Variants in MEIS2 observed in about 807,000 individuals in gnomAD.
MEIS2 encodes the protein Meis homeobox 2.
Under a neutral mutation model 58.6 loss-of-function variants are expected in MEIS2, and 9 were observed. The observed-to-expected ratio is 0.15, with a 90% CI of 0.09 to 0.27. The LOEUF (loss-of-function observed/expected upper bound fraction) is 0.27. Among genes scored for constraint, MEIS2 ranks in the 10% least tolerant of loss-of-function variants. The pLI is 1.00. For synonymous variants in MEIS2, 221 were observed against 228.4 expected (o/e 0.97, Z 0.29); for missense variants, 427 against 635.0 (o/e 0.67, Z 3.52).
rs2055807056 is a variant in MEIS2, at chr15:36,890,633, C to T, written c.*1540G>A. 6.6e-6 allele frequency: 1 copy of T among 152,084 alleles called. No individual in the cohort carries two copies. The highest frequency in any genetic ancestry group is 1.5e-5 in the Non-Finnish European group (1 of 67,994). The allele number at this position is 152,084 out of a possible 1,614,324, so 9.4% of individuals were successfully genotyped here. A position where few individuals can be genotyped will look rare whatever the true frequency, so the allele number is the denominator to read the frequency against. On this transcript the variant is annotated 3_prime_UTR_variant, in exon 12 of 12. Coordinates refer to ENST00000561208, the MANE Select transcript of MEIS2 (RefSeq NM_170675.5). ...AAGACAGGCAGAGGAAAAACACAGG[C>T]AGATAAATTACCTTTGAGCACAGAC...
chr15:36,945,137 AC>A (rs2058516303), intron 9 of MEIS2, among the ~76,000 whole-genome samples: 1 of 151,962 alleles, frequency 6.6e-6, no homozygotes, highest in Non-Finnish European at 1.5e-5. Flanking sequence ...CCTGCCTCCT[AC>A]TAATTAGGCT....
chr15:37,067,281 G>GGTTTC (rs1411889355), intron 7 of MEIS2, among the ~76,000 whole-genome samples: 1 of 151,796 alleles, frequency 6.6e-6, no homozygotes, highest in Non-Finnish European at 1.5e-5. Flanking sequence ...GTAGAGACAG[G>GGTTTC]GTTTCACCAC....
At chr15:37,007,662 C>T (rs957806348) in intron 8 of MEIS2, among the ~76,000 whole-genome samples, 1 of 152,232 alleles carries the variant, frequency 6.6e-6, no homozygotes, top group African/African-American at 2.4e-5. Context: ...TTCTAACTAA[C>T]ACAGCTTCCC....
chr15:36,891,476 CT>C lies in MEIS2; in HGVS notation c.*696del, dbSNP rs2055851823. The C allele has an allele frequency of 6.6e-6, 1 of 152,656 alleles. No individual in the cohort carries two copies. Among genetic ancestry groups the C allele is most frequent in the Non-Finnish European group, 1.5e-5 (1 of 68,076 alleles). 9.5% of individuals were successfully genotyped at this position (152,656 alleles called of 1,614,324 possible). On this transcript the variant is annotated 3_prime_UTR_variant, in exon 12 of 12. Transcript: ENST00000561208. ...TGTCCACAACCAAGGCTCAGAACTC[CT>C]GGAAGAAGCTCCTGCTCTGTCTTTA...
intron 7 of MEIS2, among the ~76,000 whole-genome samples, chr15:37,068,246 T>C (rs1366531446): frequency 6.6e-6 from 1 of 152,180 alleles, no homozygotes; most frequent in Non-Finnish European, 1.5e-5. Flanking sequence ...AATCTCTCTA[T>C]AAAGTGTGGA....
intron 7 of MEIS2, among the ~76,000 whole-genome samples, chr15:37,075,514 C>G (rs1891283754): frequency 6.6e-6 from 1 of 152,002 alleles, no homozygotes; most frequent in South Asian, 2.1e-4. Flanking sequence ...CATTTATGTT[C>G]AGGCACACAT....
chr15:36,952,392 T>A (rs1010551139), intron 8 of MEIS2, among the ~76,000 whole-genome samples: 8 of 152,144 alleles, frequency 5.3e-5, no homozygotes, highest in Non-Finnish European at 8.8e-5. Context: ...AGAAATATAT[T>A]TTGCAAATAG....
At chr15:36,944,843 G>A (rs1244299019) in intron 9 of MEIS2, among the ~76,000 whole-genome samples, 2 of 151,902 alleles carry the variant, frequency 1.3e-5, no homozygotes, top group African/African-American at 2.4e-5. Flanking sequence ...GGTTTATCTC[G>A]ACCCCACCTC....
chr15:37,009,233 G>A (rs2061038878), intron 8 of MEIS2, among the ~76,000 whole-genome samples: 1 of 152,068 alleles, frequency 6.6e-6, no homozygotes, highest in Non-Finnish European at 1.5e-5. Context: ...AGCTTGCAGT[G>A]AGCCGAGATC....
rs771445688 is a variant in MEIS2, at chr15:36,955,179, C to T, written c.901-4779G>A. 7.6e-4 allele frequency among the ~76,000 whole-genome samples: 115 copies of T among 152,010 alleles called. 2 individuals are homozygous for T. The highest frequency in any genetic ancestry group is 2.2e-4 in the Non-Finnish European group (15 of 67,996). ...TATTCTGTAAACAAGAATTCCTATGCTATGAATAGAATATATATTTTCGTG... is the reference window on the plus strand; with the variant it reads ...TATTCTGTAAACAAGAATTCCTATGTTATGAATAGAATATATATTTTCGTG... On this transcript the variant is annotated intron_variant, in intron 8 of 11. Coordinates refer to ENST00000561208, the MANE Select transcript of MEIS2 (RefSeq NM_170675.5).
intron 7 of MEIS2, among the ~76,000 whole-genome samples, chr15:37,081,664 T>C (rs1892220988): frequency 1.3e-5 from 2 of 152,274 alleles, no homozygotes; most frequent in Admixed American, 6.5e-5. Context: ...ATAGTCCCCA[T>C]TTTATAGAAA....
chr15:36,978,010 T>C (rs2059814888), intron 8 of MEIS2, among the ~76,000 whole-genome samples: 1 of 152,252 alleles, frequency 6.6e-6, no homozygotes, highest in African/African-American at 2.4e-5. Flanking sequence ...GCACATGTTC[T>C]ACAAGGACAT....
chr15:37,069,929 A>T (rs1173195045), intron 7 of MEIS2, among the ~76,000 whole-genome samples: 1 of 152,048 alleles, frequency 6.6e-6, no homozygotes, highest in African/African-American at 2.4e-5. Context: ...ATCCACTCCA[A>T]ATGAGGAAAG....
chr15:36,895,264 GA>G lies in MEIS2; in HGVS notation c.1037-4del. The G allele has an allele frequency of 6.2e-7, 1 of 1,612,684 alleles. No individual in the cohort carries two copies. The highest frequency in any genetic ancestry group is 1.3e-5 in the African/African-American group (1 of 75,030). Reference sequence around the variant, plus strand: ...CACTGAAGGATCAAGAAGAAAACCTGATTGTGGTCATTCGAGGACACAGAGG... The same window carrying G: ...CACTGAAGGATCAAGAAGAAAACCTGTTGTGGTCATTCGAGGACACAGAGG... On this transcript the variant is annotated splice_region_variant and splice_polypyrimidine_tract_variant and intron_variant, in intron 10 of 11. Coordinates refer to ENST00000561208, the MANE Select transcript of MEIS2 (RefSeq NM_170675.5).
chr15:36,987,080 G>T (rs1012366408), intron 8 of MEIS2, among the ~76,000 whole-genome samples: 2 of 152,206 alleles, frequency 1.3e-5, no homozygotes, highest in East Asian at 1.9e-4. Context: ...ACTCAGTGTG[G>T]GGTGGGGTGT....
intron 6 of MEIS2, among the ~76,000 whole-genome samples, chr15:37,085,186 A>G (rs970038931): frequency 6.6e-6 from 1 of 152,236 alleles, no homozygotes; most frequent in Non-Finnish European, 1.5e-5. Context: ...TATACAAAGT[A>G]TATCACTAAA....
chr15:36,942,549 G>A (rs1407243754), intron 9 of MEIS2, among the ~76,000 whole-genome samples: 2 of 152,090 alleles, frequency 1.3e-5, no homozygotes, highest in Non-Finnish European at 2.9e-5. Context: ...AGATCACGAG[G>A]TTAATAGGAC....
chr15:36,976,211 C>A (rs1018701747), intron 8 of MEIS2, among the ~76,000 whole-genome samples: 9 of 151,926 alleles, frequency 5.9e-5, no homozygotes, highest in African/African-American at 2.2e-4. Context: ...CATCCTCCCA[C>A]ATAGCTGGGA....
intron 9 of MEIS2, among the ~76,000 whole-genome samples, chr15:36,910,890 C>CA (rs1483163591): frequency 6.6e-6 from 1 of 151,934 alleles, no homozygotes; most frequent in Non-Finnish European, 1.5e-5. Flanking sequence ...ACTAAAAATA[C>CA]AAAAAATTAG....
Sources: allele counts gnomAD v4.1 joint callset (sites outside exome capture counted in the v4.1 genomes callset), GRCh38; gene constraint gnomAD v4.1.1; transcripts MANE v1.5; gene names NCBI Gene and HGNC (gene_info 2026-07-23, HGNC 2026-07-21).